FBXL13: variants seen among roughly 807,000 people sequenced by gnomAD.
FBXL13 encodes the protein F-box and leucine-rich repeat protein 13.
Under a neutral mutation model 83.6 loss-of-function variants are expected in FBXL13, and 67 were observed. The observed-to-expected ratio is 0.80, with a 90% CI of 0.66 to 0.98. The LOEUF (loss-of-function observed/expected upper bound fraction) is 0.98, where lower values mean the gene tolerates loss of function less well. FBXL13 is among the 50% of genes least tolerant of loss of function. The pLI is 0.00. For synonymous variants in FBXL13, 272 were observed against 299.5 expected (o/e 0.91, Z 0.95); for missense variants, 822 against 866.5 (o/e 0.95, Z 0.64).
chr7:102,970,258 A>C (rs1826481535), intron 6 of FBXL13, among the ~76,000 whole-genome samples: 2 of 152,206 alleles, frequency 1.3e-5, no homozygotes, highest in South Asian at 4.1e-4. Context: ...CTCAAAAAAT[A>C]AAATAAAATA....
chr7:103,027,406 T>G (rs1794052977), intron 5 of FBXL13, 43 bp downstream of exon 6: 1 of 1,381,760 alleles, frequency 7.2e-7, no homozygotes, highest in Non-Finnish European at 1.0e-6. Flanking sequence ...TGAATATAAC[T>G]GAAACATTCG....
intron 11 of FBXL13, among the ~76,000 whole-genome samples, chr7:102,910,703 A>T (rs1814510965): frequency 6.6e-6 from 1 of 152,146 alleles, no homozygotes; most frequent in Non-Finnish European, 1.5e-5. Flanking sequence ...TTCACCCATA[A>T]GGGTGACAGC....
intron 6 of FBXL13, among the ~76,000 whole-genome samples, chr7:102,968,730 A>G (rs908337358): frequency 2.6e-5 from 4 of 152,240 alleles, no homozygotes; most frequent in Admixed American, 6.5e-5. Flanking sequence ...CCCAATCCTT[A>G]TAAACCCAGA....
At chr7:102,998,522 G>T (rs1193700478) in intron 6 of FBXL13, among the ~76,000 whole-genome samples, 1 of 151,988 alleles carries the variant, frequency 6.6e-6, no homozygotes, top group Non-Finnish European at 1.5e-5. Context: ...ATTGTAAATG[G>T]GATTGCTTTC....
chr7:102,907,755 A>G (rs1231791458), intron 11 of FBXL13, among the ~76,000 whole-genome samples: 1 of 152,192 alleles, frequency 6.6e-6, no homozygotes, highest in Non-Finnish European at 1.5e-5. Context: ...AGTCTTTGCT[A>G]TTGTGAAGGG....
intron 6 of FBXL13, chr7:102,975,790 C>T (rs1343343937): frequency 2.0e-5 from 12 of 597,686 alleles, no homozygotes; most frequent in African/African-American, 7.4e-5. Flanking sequence ...AACCCCACAA[C>T]GAGACTTTCT....
intron 8 of FBXL13, among the ~76,000 whole-genome samples, chr7:102,956,753 G>A (rs1002367675): frequency 6.6e-6 from 1 of 152,140 alleles, no homozygotes; most frequent in Admixed American, 6.6e-5. Context: ...GACAAACAGA[G>A]AGCCAGATTA....
At chr7:103,056,315 C>T (rs1797328044) in intron 1 of FBXL13, among the ~76,000 whole-genome samples, 1 of 152,078 alleles carries the variant, frequency 6.6e-6, no homozygotes, top group South Asian at 2.1e-4. Context: ...GTGAATTGTG[C>T]TGTTATAGAT....
chr7:102,960,407 A>G (rs930764651), intron 8 of FBXL13, among the ~76,000 whole-genome samples: 3 of 152,104 alleles, frequency 2.0e-5, no homozygotes, highest in Non-Finnish European at 4.4e-5. Flanking sequence ...CCAGAGGTAC[A>G]AGGAGAAACT....
At chr7:102,958,917 G>GT (rs1357771963) in intron 8 of FBXL13, among the ~76,000 whole-genome samples, 1 of 151,688 alleles carries the variant, frequency 6.6e-6, no homozygotes, top group Non-Finnish European at 1.5e-5. Flanking sequence ...ATTAAAAGAC[G>GT]TATTAATATT....
chr7:102,973,391 G>C (rs1033490855), intron 6 of FBXL13: 4 of 688,052 alleles, frequency 5.8e-6, no homozygotes, highest in African/African-American at 3.5e-5. Flanking sequence ...CCTGAAGATC[G>C]AGAAACAGGC....
At chr7:103,003,726 C>T (rs748000332) in intron 6 of FBXL13, among the ~76,000 whole-genome samples, 2 of 152,184 alleles carry the variant, frequency 1.3e-5, no homozygotes, top group African/African-American at 2.4e-5. Context: ...GGATTACAGG[C>T]GTGTGCAACA....
At chr7:102,872,426 A>T (rs1808642944) in intron 16 of FBXL13, among the ~76,000 whole-genome samples, 1 of 152,222 alleles carries the variant, frequency 6.6e-6, no homozygotes, top group South Asian at 2.1e-4. Context: ...GACCTACATA[A>T]CAGGCGCTCA....
At chr7:102,948,786 A>G (rs1048899549) in intron 8 of FBXL13, among the ~76,000 whole-genome samples, 2 of 151,872 alleles carry the variant, frequency 1.3e-5, no homozygotes, top group African/African-American at 2.4e-5. Flanking sequence ...ATCTTGGCAC[A>G]CTGTAACCTC....
intron 10 of FBXL13, among the ~76,000 whole-genome samples, chr7:102,922,168 C>A (rs988350874): frequency 6.9e-6 from 1 of 145,604 alleles, no homozygotes; most frequent in South Asian, 2.2e-4. Context: ...CCAGCCTGGG[C>A]GACAGAGGAA....
chr7:102,841,070 T>G (rs1802844492), intron 17 of FBXL13, among the ~76,000 whole-genome samples: 1 of 152,102 alleles, frequency 6.6e-6, no homozygotes, highest in Non-Finnish European at 1.5e-5. Flanking sequence ...CTGTGAGACA[T>G]GCCACAGGCC....
rs547776890 is a variant in FBXL13, at chr7:103,059,328, A to G, written c.-104-3581T>C. On this transcript the variant is annotated intron_variant, in intron 1 of 19. Coordinates refer to ENST00000313221, the Ensembl canonical transcript of FBXL13. The stretch of plus-strand genomic sequence containing the variant: ...CTCACTGTTTGTCTTTTTCCCTTGG[A>G]CAAAATAGCACAGCATGATATTTTT... 7.2e-5 allele frequency among the ~76,000 whole-genome samples: 11 copies of G among 152,326 alleles called. No homozygotes were observed. The South Asian group carries it at 2.3e-3, about 32-fold the overall frequency.
intron 7 of FBXL13, among the ~76,000 whole-genome samples, chr7:102,964,247 G>A (rs555395963): frequency 5.3e-5 from 8 of 151,576 alleles, no homozygotes; most frequent in African/African-American, 1.9e-4. Flanking sequence ...AGAGGTGGAG[G>A]TTGCAGTGAG....
At chr7:103,014,921 C>CAAAAA (rs1166056647) in intron 6 of FBXL13, among the ~76,000 whole-genome samples, 2 of 20,612 alleles carry the variant, frequency 9.7e-5, no homozygotes, top group Non-Finnish European at 2.6e-4. Context: ...GACTCCGTCT[C>CAAAAA]AAAAAAAAAA....
Sources: allele counts gnomAD v4.1 joint callset (sites outside exome capture counted in the v4.1 genomes callset), GRCh38; gene constraint gnomAD v4.1.1; transcripts MANE v1.5; gene names NCBI Gene and HGNC (gene_info 2026-07-23, HGNC 2026-07-21).